Variants in EML6 observed in about 807,000 individuals in gnomAD.
The protein encoded by EML6 is echinoderm microtubule-associated protein-like 6.
Under a neutral mutation model 240.1 loss-of-function variants are expected in EML6, and 154 were observed. The observed-to-expected ratio is 0.64, with a 90% CI of 0.56 to 0.73. EML6 has a LOEUF of 0.73. EML6 is among the 30% of genes least tolerant of loss of function. The probability of loss-of-function intolerance (pLI) is 0.00; values close to 1 mark genes in which losing one functional copy is unlikely to be tolerated. For synonymous variants in EML6, 1,148 were observed against 899.0 expected (o/e 1.28, Z -4.95); for missense variants, 2,964 against 2,474.6 (o/e 1.20, Z -4.20).
intron 2 of EML6, among the ~76,000 whole-genome samples, chr2:54,733,490 C>T (rs1456228957): frequency 6.6e-6 from 1 of 152,168 alleles, no homozygotes; most frequent in Non-Finnish European, 1.5e-5. Flanking sequence ...TGGCTGGTCT[C>T]TTAGGCACTG....
chr2:54,892,434 C>T lies in EML6; in HGVS notation c.2540-20C>T, dbSNP rs1260505092. On this transcript the variant is annotated intron_variant, in intron 18 of 41. Coordinates refer to ENST00000356458, the MANE Select transcript of EML6 (RefSeq NM_001039753.4). ...AGTGCCAGATTTTATAAAGTAATAA[C>T]TGTTCTTGGTCCACTCTAGGTGGGG... is the stretch of plus-strand genomic sequence containing the variant. 3.3e-6 allele frequency: 5 copies of T among 1,526,462 alleles called. No homozygotes were observed. In the Admixed American group the frequency reaches 5.9e-5, roughly 18 times the overall value. The allele number at this position is 1,526,462 out of a possible 1,614,324, so 94.6% of individuals were successfully genotyped here. A position where few individuals can be genotyped will look rare whatever the true frequency, so the allele number is the denominator to read the frequency against.
rs181042664 is a variant in EML6, at chr2:54,933,869, A to G, written c.4004+5118A>G. On this transcript the variant is annotated intron_variant, in intron 28 of 41. Coordinates refer to ENST00000356458, the MANE Select transcript of EML6 (RefSeq NM_001039753.4). ...ACATCCAGGATCTGAGAGTACTATG[A>G]AATTTTCTCATCCAGGTCCAGATAA... Among the ~76,000 whole-genome samples, 105 of 152,310 alleles carry G rather than the reference A, an allele frequency of 6.9e-4. 1 individual carries two copies. Among genetic ancestry groups the G allele is most frequent in the African/African-American group, 2.5e-3 (105 of 41,574 alleles).
In EML6 at chr2:54,830,188, C is replaced by G. The variant is rs112216924; in HGVS notation, c.847+711C>G. On this transcript the variant is annotated intron_variant, in intron 7 of 41. Coordinates refer to ENST00000356458, the MANE Select transcript of EML6 (RefSeq NM_001039753.4). ...TAAAATTCTCATGGTAGGCCTGTTA[C>G]CTTTTGGCAGACAAAGAATTTACAG... is the stretch of plus-strand genomic sequence containing the variant. Among the ~76,000 whole-genome samples, 793 of 152,238 alleles carry G rather than the reference C, an allele frequency of 5.2e-3. 5 individuals carry two copies. The highest frequency in any genetic ancestry group is 0.017 in the African/African-American group (687 of 41,528).
intron 29 of EML6, 111 bp from the exon 30 acceptor site, chr2:54,950,539 C>A: frequency 1.6e-6 from 2 of 1,229,388 alleles, no homozygotes; most frequent in Non-Finnish European, 2.2e-6. Flanking sequence ...GTTGGCGTCA[C>A]CAGCCATACC....
intron 7 of EML6, among the ~76,000 whole-genome samples, chr2:54,832,170 G>T (rs1022896221): frequency 6.6e-6 from 1 of 152,136 alleles, no homozygotes; most frequent in African/African-American, 2.4e-5. Context: ...AAGAAGAAAG[G>T]CTCCTGGTTT....
intron 2 of EML6, among the ~76,000 whole-genome samples, chr2:54,736,858 C>T (rs1487292016): frequency 6.6e-6 from 1 of 152,160 alleles, no homozygotes; most frequent in Non-Finnish European, 1.5e-5. Flanking sequence ...TGCATGGCGT[C>T]AATCTAATAA....
intron 2 of EML6, among the ~76,000 whole-genome samples, chr2:54,744,933 CA>C (rs1558520953): frequency 2.7e-5 from 4 of 150,348 alleles, no homozygotes; most frequent in South Asian, 2.1e-4. Context: ...CACACACACA[CA>C]CACACACACA....
intron 2 of EML6, among the ~76,000 whole-genome samples, chr2:54,801,624 A>C (rs972176271): frequency 9.9e-5 from 15 of 152,234 alleles, no homozygotes; most frequent in African/African-American, 3.6e-4. Flanking sequence ...TAAAATACAA[A>C]GGAAAATCGG....
chr2:54,838,817 A>G (rs1190505474), intron 7 of EML6, among the ~76,000 whole-genome samples: 1 of 152,182 alleles, frequency 6.6e-6, no homozygotes, highest in African/African-American at 2.4e-5. Flanking sequence ...TGGTGTCCAA[A>G]TGTGGACACC....
chr2:54,843,361 C>T (rs1396127249), intron 7 of EML6, among the ~76,000 whole-genome samples: 3 of 152,038 alleles, frequency 2.0e-5, no homozygotes, highest in South Asian at 2.1e-4. Context: ...CCCCGGAAGT[C>T]GAGGCTTCAG....
intron 10 of EML6, among the ~76,000 whole-genome samples, chr2:54,851,652 A>G (rs1573002680): frequency 6.6e-6 from 1 of 152,210 alleles, no homozygotes; most frequent in African/African-American, 2.4e-5. Context: ...TTGGATGTTC[A>G]TGACCTGTTT....
rs181863389 is a variant in EML6 at position 54,864,560 on chromosome 2, T to C, written c.1932+671T>C. 2.1e-3 allele frequency among the ~76,000 whole-genome samples: 325 copies of C among 152,336 alleles called. 7 individuals carry two copies. Among genetic ancestry groups the C allele is most frequent in the Admixed American group, 0.018 (278 of 15,308 alleles). ...TAACCATGGGGGTTCTCTTTTTCTTTCTTGTCACTTAACAAAGATATGTGA... is the reference window on the plus strand; with the variant it reads ...TAACCATGGGGGTTCTCTTTTTCTTCCTTGTCACTTAACAAAGATATGTGA... On this transcript the variant is annotated intron_variant, in intron 13 of 41. Transcript: ENST00000356458.
chr2:54,775,076 C>T (rs1668541314), intron 2 of EML6, among the ~76,000 whole-genome samples: 1 of 152,220 alleles, frequency 6.6e-6, no homozygotes, highest in African/African-American at 2.4e-5. Context: ...GCATTTCTCA[C>T]CTGTGCCTCT....
chr2:54,798,595 C>T (rs929306529), intron 2 of EML6, among the ~76,000 whole-genome samples: 1 of 152,048 alleles, frequency 6.6e-6, no homozygotes, highest in African/African-American at 2.4e-5. Flanking sequence ...ATATTGCTAC[C>T]GGTACCTACA....
chr2:54,844,815 T>C (rs1385135045), intron 8 of EML6, among the ~76,000 whole-genome samples: 1 of 152,250 alleles, frequency 6.6e-6, no homozygotes, highest in African/African-American at 2.4e-5. Flanking sequence ...TTTATTCTTT[T>C]GAGAGCCCAA....
chr2:54,959,293 C>T lies in EML6; in HGVS notation c.4853+32C>T, dbSNP rs148431774. The T allele has an allele frequency of 5.9e-4, 882 of 1,482,888 alleles. 8 individuals carry two copies. The African/African-American group carries it at 0.011, about 18-fold the overall frequency. The allele number at this position is 1,482,888 out of a possible 1,614,324, so 91.9% of individuals were successfully genotyped here. ...CAAAGCTCCTATGGAAACAACTTGT[C>T]GTTTGTTGTTATCTTGGGAGAAACT... On this transcript the variant is annotated intron_variant, in intron 34 of 41. Coordinates refer to ENST00000356458, the MANE Select transcript of EML6 (RefSeq NM_001039753.4).
chr2:54,924,031 A>G (rs1380534598), intron 26 of EML6, among the ~76,000 whole-genome samples: 1 of 152,202 alleles, frequency 6.6e-6, no homozygotes, highest in Non-Finnish European at 1.5e-5. Flanking sequence ...TATTCCTATG[A>G]TGAACATACT....
chr2:54,922,911 G>C (rs1402245059), intron 26 of EML6, among the ~76,000 whole-genome samples: 1 of 149,614 alleles, frequency 6.7e-6, no homozygotes, highest in East Asian at 2.0e-4. Flanking sequence ...GAAATGGGGA[G>C]ATGTTGGTCA....
chr2:54,967,784 G>A (rs777735873), intron 39 of EML6, among the ~76,000 whole-genome samples: 101 of 152,206 alleles, frequency 6.6e-4, no homozygotes, highest in Non-Finnish European at 1.1e-3. Flanking sequence ...CAGGTAGGGG[G>A]TGGGGTTTCG....
Sources: allele counts gnomAD v4.1 joint callset (sites outside exome capture counted in the v4.1 genomes callset), GRCh38; gene constraint gnomAD v4.1.1; transcripts MANE v1.5; gene names NCBI Gene and HGNC (gene_info 2026-07-23, HGNC 2026-07-21).